Variants in RBFOX3 observed in about 807,000 individuals in gnomAD.
RBFOX3 encodes RNA binding fox-1 homolog 3.
Under a neutral mutation model 48.7 loss-of-function variants are expected in RBFOX3, and 17 were observed. That is an observed-to-expected ratio of 0.35 (90% CI 0.24 to 0.52). RBFOX3 has a LOEUF of 0.52. Ranked by LOEUF, RBFOX3 falls within the 20% of genes least tolerant of loss-of-function variation. The pLI, the probability that RBFOX3 is intolerant of heterozygous loss-of-function variation, is 0.94. For synonymous variants in RBFOX3, 212 were observed against 209.5 expected (o/e 1.01, Z -0.10); for missense variants, 382 against 497.5 (o/e 0.77, Z 2.21).
At chr17:79,456,803 C>T (rs1396480900) in intron 2 of RBFOX3, among the ~76,000 whole-genome samples, 1 of 152,044 alleles carries the variant, frequency 6.6e-6, no homozygotes, top group Non-Finnish European at 1.5e-5. Flanking sequence ...AACACAAGCT[C>T]GAGAGGTCTG....
At chr17:79,376,093 G>A (rs1423804679) in intron 2 of RBFOX3, among the ~76,000 whole-genome samples, 2 of 152,150 alleles carry the variant, frequency 1.3e-5, no homozygotes, top group African/African-American at 2.4e-5. Flanking sequence ...ATGCCCCAGA[G>A]CCCAGCCGAC....
At chr17:79,380,268 C>T (rs2059740643) in intron 2 of RBFOX3, among the ~76,000 whole-genome samples, 1 of 152,242 alleles carries the variant, frequency 6.6e-6, no homozygotes, top group Admixed American at 6.5e-5. Flanking sequence ...GATTTAATTG[C>T]ATGTCAAAAT....
At chr17:79,525,811 C>T (rs890838728) in intron 1 of RBFOX3, among the ~76,000 whole-genome samples, 4 of 152,078 alleles carry the variant, frequency 2.6e-5, no homozygotes, top group African/African-American at 9.7e-5. Flanking sequence ...AACATTTTTT[C>T]TTTAGAATTT....
chr17:79,179,014 C>A (rs72856458), intron 4 of RBFOX3, among the ~76,000 whole-genome samples: 1 of 152,026 alleles, frequency 6.6e-6, no homozygotes, highest in Non-Finnish European at 1.5e-5. Context: ...TGCTGACCCG[C>A]GAGCCAGCGT....
At chr17:79,237,453 C>T (rs1441243863) in intron 3 of RBFOX3, among the ~76,000 whole-genome samples, 1 of 152,222 alleles carries the variant, frequency 6.6e-6, no homozygotes, top group Non-Finnish European at 1.5e-5. Flanking sequence ...GCGACTGTGG[C>T]CACAGTAACT....
At position 79,195,972 on chromosome 17, in the gene RBFOX3, G is replaced by A. The variant is rs975639477; in HGVS notation, c.-34+39794C>T. ...TAATTATCATCATCAGAACACCCTG[G>A]ACAAATTGGATCTCAGGCACCCAGA... is the stretch of plus-strand genomic sequence containing the variant. On this transcript the variant is annotated intron_variant, in intron 4 of 14. Coordinates refer to ENST00000693108, the MANE Select transcript of RBFOX3 (RefSeq NM_001350451.2). The surrounding 1 kb of genome is among the most constrained non-coding windows in gnomAD (Gnocchi z 5.3). Among the ~76,000 whole-genome samples, 1 of 152,158 alleles carries A rather than the reference G, an allele frequency of 6.6e-6. No homozygotes were observed. Among genetic ancestry groups the A allele is most frequent in the Non-Finnish European group, 1.5e-5 (1 of 68,022 alleles).
At chr17:79,551,041 T>A (rs2091095711) in intron 1 of RBFOX3, among the ~76,000 whole-genome samples, 1 of 152,234 alleles carries the variant, frequency 6.6e-6, no homozygotes. Flanking sequence ...ATGTAACTAG[T>A]ATATCTGAAC....
the RBFOX3 span, among the ~76,000 whole-genome samples, chr17:79,638,150 T>C: frequency 1.3e-5 from 2 of 151,666 alleles, no homozygotes; most frequent in Non-Finnish European, 2.9e-5. Context: ...AGAAGAAAGA[T>C]TCCAAATAAA....
At chr17:79,230,384 A>C (rs1407290668) in intron 4 of RBFOX3, among the ~76,000 whole-genome samples, 4 of 152,048 alleles carry the variant, frequency 2.6e-5, no homozygotes, top group Non-Finnish European at 5.9e-5. Flanking sequence ...TTCAGCCTCC[A>C]GAGTAGCTGG....
At chr17:79,157,712 G>A (rs1053954654) in intron 4 of RBFOX3, among the ~76,000 whole-genome samples, 3 of 152,158 alleles carry the variant, frequency 2.0e-5, no homozygotes, top group African/African-American at 7.2e-5. Context: ...CCAGGCCCAC[G>A]CTGTCCCCAC....
intron 3 of RBFOX3, among the ~76,000 whole-genome samples, chr17:79,269,175 A>G (rs1403252442): frequency 6.6e-6 from 1 of 152,212 alleles, no homozygotes; most frequent in African/African-American, 2.4e-5. Flanking sequence ...TGAGGCAGAG[A>G]TTGCAGTGAT....
intron 3 of RBFOX3, among the ~76,000 whole-genome samples, chr17:79,262,471 C>A (rs922449882): frequency 2.6e-5 from 4 of 152,284 alleles, no homozygotes; most frequent in African/African-American, 4.8e-5. Context: ...CTTTGAAGAA[C>A]AATCGATGGG....
intron 2 of RBFOX3, among the ~76,000 whole-genome samples, chr17:79,335,341 G>A (rs1453507559): frequency 6.6e-6 from 1 of 152,220 alleles, no homozygotes; most frequent in African/African-American, 2.4e-5. Flanking sequence ...CCTTGTGAGG[G>A]CTGAGAAATG....
intron 2 of RBFOX3, among the ~76,000 whole-genome samples, chr17:79,453,439 G>A (rs2073920451): frequency 6.6e-6 from 1 of 152,324 alleles, no homozygotes; most frequent in Admixed American, 6.5e-5. Flanking sequence ...AGTGGTCACA[G>A]AGGGACAGGC....
chr17:79,265,030 C>A (rs1388654034), intron 3 of RBFOX3, among the ~76,000 whole-genome samples: 2 of 152,102 alleles, frequency 1.3e-5, no homozygotes, highest in Non-Finnish European at 2.9e-5. Flanking sequence ...GAAAGCAGCC[C>A]ATGCAGCTCT....
rs1182464681 is a variant in RBFOX3 at position 79,481,210 on chromosome 17, G to A, written c.-175+1244C>T. Among the ~76,000 whole-genome samples the A allele has an allele frequency of 6.6e-6, 1 of 152,128 alleles. No individual in the cohort carries two copies. The highest frequency in any genetic ancestry group is 2.4e-5 in the African/African-American group (1 of 41,426). Reference sequence around the variant, plus strand: ...CCGGGCCTCTGGTCTCTTTGTCCAGGGTTCTCGTCGGCATCATCTGCTCAG... The same window carrying A: ...CCGGGCCTCTGGTCTCTTTGTCCAGAGTTCTCGTCGGCATCATCTGCTCAG... On this transcript the variant is annotated intron_variant, in intron 2 of 14. Transcript: ENST00000693108. This position sits in a 1 kb window ranked among gnomAD's most constrained non-coding sequence, Gnocchi z 5.4.
chr17:79,505,119 C>G (rs1346532245), intron 1 of RBFOX3, among the ~76,000 whole-genome samples: 2 of 152,146 alleles, frequency 1.3e-5, no homozygotes, highest in African/African-American at 4.8e-5. Flanking sequence ...GGAGATGCCA[C>G]CCAGAAGCTG....
the RBFOX3 span, among the ~76,000 whole-genome samples, chr17:79,647,783 C>A: frequency 6.6e-6 from 1 of 152,206 alleles, no homozygotes; most frequent in Non-Finnish European, 1.5e-5. Flanking sequence ...CCTTCCACCC[C>A]ACTCTCCAAT....
rs769318981 is a variant in RBFOX3 at position 79,247,310 on chromosome 17, A to ATATT, written c.-73-11506_-73-11505insAATA. Among the ~76,000 whole-genome samples, 879 of 116,550 alleles carry ATATT rather than the reference A, an allele frequency of 7.5e-3. 20 individuals are homozygous for ATATT. The highest frequency in any genetic ancestry group is 0.027 in the African/African-American group (826 of 30,422). 76.5% of individuals were successfully genotyped at this position (116,550 alleles called of 152,430 possible). A position where few individuals can be genotyped will look rare whatever the true frequency, so the allele number is the denominator to read the frequency against. The stretch of plus-strand genomic sequence containing the variant: ...AGACACACACAGAGAACATAATCGT[A>ATATT]TTTTTTTTTTTTTTTTTTTTGAGAC... On this transcript the variant is annotated intron_variant, in intron 3 of 14. Transcript: ENST00000693108.
Sources: gnomAD v4.1 joint callset for allele counts (sites outside exome capture counted in the v4.1 genomes callset) on GRCh38, gnomAD v4.1.1 for gene constraint, Gnocchi (gnomAD v3.1) non-coding constraint, MANE v1.5 for transcripts, NCBI Gene and HGNC (gene_info 2026-07-23, HGNC 2026-07-21) for gene names.